The following CEP128 variants were observed in gnomAD, a reference collection of about 807,000 sequenced individuals.
CEP128 encodes centrosomal protein 128, also known as centrosomal protein 128kDa.
CEP128 carries 132 observed loss-of-function variants against 156.7 expected under a neutral mutation model. The ratio of observed to expected loss-of-function variants is 0.84; its 90% CI spans 0.73 to 0.97. CEP128 has a LOEUF of 0.97. Ranked by LOEUF, CEP128 falls within the 50% of genes least tolerant of loss-of-function variation. The pLI is 0.00. For missense variants in CEP128, 1,252 were observed against 1,281.9 expected (o/e 0.98, Z 0.36); for synonymous variants, 469 against 448.9 (o/e 1.04, Z -0.57).
chr14:80,660,681 C>T (rs1895361648), intron 19 of CEP128, among the ~76,000 whole-genome samples: 1 of 152,110 alleles, frequency 6.6e-6, no homozygotes, highest in Non-Finnish European at 1.5e-5. Flanking sequence ...TCACAATAGT[C>T]TTATAAGGTA....
At chr14:80,778,326 A>T (rs554840329) in intron 15 of CEP128, among the ~76,000 whole-genome samples, 1 of 152,310 alleles carries the variant, frequency 6.6e-6, no homozygotes, top group East Asian at 1.9e-4. Context: ...TCTATTTGAC[A>T]ACACTGAAAG....
intron 21 of CEP128, among the ~76,000 whole-genome samples, chr14:80,534,261 T>C (rs1250854991): frequency 2.0e-5 from 3 of 152,256 alleles, no homozygotes; most frequent in South Asian, 4.1e-4. Flanking sequence ...GCTGGGATTC[T>C]GTGATTAGAA....
intron 19 of CEP128, among the ~76,000 whole-genome samples, chr14:80,632,144 G>T (rs2140732259): frequency 6.6e-6 from 1 of 152,096 alleles, no homozygotes; most frequent in South Asian, 2.1e-4. Flanking sequence ...TAACACAGAA[G>T]AGTCACAAGA....
chr14:80,712,693 C>T (rs1383730781), intron 19 of CEP128, among the ~76,000 whole-genome samples: 1 of 152,148 alleles, frequency 6.6e-6, no homozygotes, highest in Non-Finnish European at 1.5e-5. Flanking sequence ...AGATCCAAGG[C>T]AAGCACTCTG....
intron 9 of CEP128, among the ~76,000 whole-genome samples, chr14:80,859,014 A>AAAT (rs1445664309): frequency 3.3e-5 from 5 of 151,880 alleles, no homozygotes; most frequent in Admixed American, 6.5e-5. Flanking sequence ...CTAGAACTAG[A>AAAT]AATACCATTT....
At chr14:80,733,473 G>A (rs1188792902) in intron 19 of CEP128, among the ~76,000 whole-genome samples, 1 of 151,980 alleles carries the variant, frequency 6.6e-6, no homozygotes, top group Admixed American at 6.6e-5. Context: ...TAAACAGAAA[G>A]AGAGGAATGA....
chr14:80,776,802 C>G (rs1900817163), intron 16 of CEP128, among the ~76,000 whole-genome samples: 1 of 152,008 alleles, frequency 6.6e-6, no homozygotes, highest in Admixed American at 6.5e-5. Flanking sequence ...CTTCTATTAC[C>G]TTCAATTTCA....
rs115302856 is a variant in CEP128, at chr14:80,500,320, A to G, written c.3182-2738T>C. On this transcript the variant is annotated intron_variant, in intron 24 of 24. Transcript: ENST00000555265. ...CAGCTTCAACGAAAGGGCCTCACTC[A>G]GTACAAATTCTGACTAGAGTAAGGA... 7.9e-3 allele frequency among the ~76,000 whole-genome samples: 1,209 copies of G among 152,312 alleles called. 20 individuals carry two copies. The highest frequency in any genetic ancestry group is 0.028 in the African/African-American group (1,145 of 41,560).
chr14:80,573,066 G>A (rs10152021), intron 20 of CEP128, among the ~76,000 whole-genome samples: 85,857 of 151,454 alleles, frequency 0.57, 24,632 homozygotes, highest in East Asian at 0.72. Flanking sequence ...GGGATTACAG[G>A]TGTGGGCTAC....
chr14:80,701,939 A>C (rs923538383), intron 19 of CEP128, among the ~76,000 whole-genome samples: 11 of 152,140 alleles, frequency 7.2e-5, no homozygotes, highest in African/African-American at 2.4e-4. Context: ...AGATGTGCAC[A>C]TGAATACATT....
At chr14:80,740,085 T>C (rs1898732591) in intron 19 of CEP128, among the ~76,000 whole-genome samples, 1 of 152,120 alleles carries the variant, frequency 6.6e-6, no homozygotes, top group Non-Finnish European at 1.5e-5. Flanking sequence ...CTATGCTTTC[T>C]TTTGGAAGAG....
At chr14:80,832,972 T>G (rs767575466) in intron 12 of CEP128, among the ~76,000 whole-genome samples, 4 of 152,160 alleles carry the variant, frequency 2.6e-5, no homozygotes, top group Admixed American at 6.5e-5. Flanking sequence ...AACCACTGTA[T>G]TGCAAAAGTA....
chr14:80,669,846 C>G (rs1009641371), intron 19 of CEP128, among the ~76,000 whole-genome samples: 8 of 152,082 alleles, frequency 5.3e-5, no homozygotes, highest in African/African-American at 1.9e-4. Context: ...AAAGAAACAC[C>G]TGAGACTGGA....
chr14:80,763,677 T>C (rs1900082840), intron 16 of CEP128, among the ~76,000 whole-genome samples: 1 of 152,200 alleles, frequency 6.6e-6, no homozygotes, highest in Admixed American at 6.5e-5. Flanking sequence ...CTTGTGAACC[T>C]ATCTCCCCAA....
chr14:80,616,841 G>A (rs1893233630), intron 19 of CEP128, among the ~76,000 whole-genome samples: 1 of 152,142 alleles, frequency 6.6e-6, no homozygotes, highest in African/African-American at 2.4e-5. Flanking sequence ...GACATTTAGA[G>A]ATCATGTAGT....
intron 19 of CEP128, among the ~76,000 whole-genome samples, chr14:80,727,504 G>A (rs1161654855): frequency 2.0e-5 from 3 of 152,006 alleles, no homozygotes; most frequent in African/African-American, 7.2e-5. Flanking sequence ...AAAAGCAATT[G>A]CAATGAAAAC....
rs1273485296 is a variant in CEP128, at chr14:80,566,608, T to C, written c.2857-7306A>G. ...TGGCTTTGAATATACCAAATGCATC[T>C]GTGATTTATATATAAAATTGTATGC... On this transcript the variant is annotated intron_variant, in intron 20 of 24. Coordinates refer to ENST00000555265, the MANE Select transcript of CEP128 (RefSeq NM_152446.5). 2.4e-4 allele frequency among the ~76,000 whole-genome samples: 37 copies of C among 152,210 alleles called. 1 individual carries two copies.
chr14:80,510,305 G>A (rs1483035748), intron 23 of CEP128, among the ~76,000 whole-genome samples: 1 of 151,948 alleles, frequency 6.6e-6, no homozygotes, highest in Non-Finnish European at 1.5e-5. Flanking sequence ...TTATATCAAT[G>A]TTTTATAGTT....
At chr14:80,586,876 CTATTT>C (rs1233250795) in intron 19 of CEP128, among the ~76,000 whole-genome samples, 1 of 152,236 alleles carries the variant, frequency 6.6e-6, no homozygotes, top group African/African-American at 2.4e-5. Context: ...AACATTTTTC[CTATTT>C]TATTATACTA....
Sources: gnomAD v4.1 joint callset for allele counts (sites outside exome capture counted in the v4.1 genomes callset) on GRCh38, gnomAD v4.1.1 for gene constraint, MANE v1.5 for transcripts, NCBI Gene and HGNC (gene_info 2026-07-23, HGNC 2026-07-21) for gene names.